Variants in C2CD3 observed in about 807,000 individuals in gnomAD.
The protein encoded by C2CD3 is C2 domain containing 3 centriole elongation regulator, also known as C2 domain-containing protein 3.
Under a neutral mutation model 234.0 loss-of-function variants are expected in C2CD3, and 148 were observed. The ratio of observed to expected loss-of-function variants is 0.63; its 90% CI spans 0.55 to 0.72. The LOEUF (loss-of-function observed/expected upper bound fraction) is 0.72. Ranked by LOEUF, C2CD3 falls within the 30% of genes least tolerant of loss-of-function variation. The probability of loss-of-function intolerance (pLI) is 0.00; values close to 1 mark genes in which losing one functional copy is unlikely to be tolerated. For missense variants in C2CD3, 2,577 were observed against 2,811.5 expected, an observed-to-expected ratio of 0.92 and a Z score of 1.89; for synonymous variants, 1,000 against 1,035.4, an observed-to-expected ratio of 0.97 and a Z score of 0.66.
chr11:74,121,754 C>A (rs1455059119), intron 8 of C2CD3, among the ~76,000 whole-genome samples: 1 of 152,126 alleles, frequency 6.6e-6, no homozygotes, highest in African/African-American at 2.4e-5. Context: ...AAGTCCCTAG[C>A]ACACAGAAAA....
chr11:74,027,800 G>A (rs528948635), intron 32 of C2CD3, among the ~76,000 whole-genome samples: 1 of 152,242 alleles, frequency 6.6e-6, no homozygotes, highest in Non-Finnish European at 1.5e-5. Context: ...TGCCAAGGCA[G>A]AAAAGAGGAG....
chr11:74,067,851 C>T (rs1954616290), intron 24 of C2CD3, among the ~76,000 whole-genome samples: 1 of 152,142 alleles, frequency 6.6e-6, no homozygotes, highest in African/African-American at 2.4e-5. Context: ...GCAAATTGGC[C>T]TCTACCAATC....
intron 11 of C2CD3, chr11:74,110,425 T>C (rs557082623): frequency 2.0e-5 from 3 of 152,372 alleles, no homozygotes; most frequent in South Asian, 4.2e-4. Flanking sequence ...GGACAGGATC[T>C]GGACCTTGCT....
chr11:74,024,340 A>C (rs1952207244), intron 32 of C2CD3, among the ~76,000 whole-genome samples: 1 of 152,250 alleles, frequency 6.6e-6, no homozygotes, highest in South Asian at 2.1e-4. Context: ...ATATTTTCAG[A>C]CAATTGAAGC....
chr11:74,159,446 T>C (rs991992588), intron 3 of C2CD3, among the ~76,000 whole-genome samples: 1 of 151,886 alleles, frequency 6.6e-6, no homozygotes, highest in Non-Finnish European at 1.5e-5. Context: ...TGGAACAAGA[T>C]ATGGAGGTGG....
intron 22 of C2CD3, among the ~76,000 whole-genome samples, chr11:74,083,602 A>C (rs887530923): frequency 6.6e-6 from 1 of 152,220 alleles, no homozygotes; most frequent in East Asian, 1.9e-4. Context: ...ACAAGAAAAA[A>C]ACAAATAACC....
rs745456767 is a variant in C2CD3, at chr11:74,114,379, C to T, written c.1730+5G>A. 9 of 1,609,542 alleles carry T rather than the reference C, an allele frequency of 5.6e-6. No individual in the cohort carries two copies. The Admixed American group carries it at 8.4e-5, about 15-fold the overall frequency. Reference sequence around the variant, plus strand: ...AAATTTAGCTTTCTCATGTTAGAGACATACCGCTTTTTTGCTGTAGTCACC... The same window carrying T: ...AAATTTAGCTTTCTCATGTTAGAGATATACCGCTTTTTTGCTGTAGTCACC... On this transcript the variant is annotated splice_donor_5th_base_variant and intron_variant, in intron 10 of 32. Transcript: ENST00000334126.
chr11:74,109,571 A>G (rs998265824), intron 11 of C2CD3: 1 of 154,204 alleles, frequency 6.5e-6, no homozygotes, highest in African/African-American at 2.4e-5. Context: ...ATAAAAAACT[A>G]TAATACAAAA....
At chr11:74,064,982 A>G (rs566043504) in intron 24 of C2CD3, among the ~76,000 whole-genome samples, 1 of 152,334 alleles carries the variant, frequency 6.6e-6, no homozygotes, top group Non-Finnish European at 1.5e-5. Context: ...GAAAACCTCG[A>G]CAATACCATT....
chr11:74,079,398 GT>G (rs917037965), intron 22 of C2CD3, among the ~76,000 whole-genome samples: 2 of 150,632 alleles, frequency 1.3e-5, no homozygotes, highest in South Asian at 2.1e-4. Context: ...GGGTTTGTTT[GT>G]TTTTTTTTGT....
chr11:74,169,756 T>C (rs908262025), intron 1 of C2CD3, among the ~76,000 whole-genome samples: 1 of 152,214 alleles, frequency 6.6e-6, no homozygotes, highest in Non-Finnish European at 1.5e-5. Flanking sequence ...CAGGGAGCAC[T>C]AGTATGCTTC....
At chr11:74,071,273 C>A (rs1186322037) in intron 24 of C2CD3, among the ~76,000 whole-genome samples, 1 of 152,198 alleles carries the variant, frequency 6.6e-6, no homozygotes, top group African/African-American at 2.4e-5. Flanking sequence ...TATTTAGCCT[C>A]TTTCTGTTTA....
At chr11:74,076,372 G>A (rs554253209) in intron 23 of C2CD3, among the ~76,000 whole-genome samples, 2 of 152,318 alleles carry the variant, frequency 1.3e-5, no homozygotes, top group East Asian at 1.9e-4. Flanking sequence ...CAGTTTCTTC[G>A]ACTGTAGAGT....
rs1957955988 is a variant in C2CD3, at chr11:74,138,930, T to C, written c.745A>G (p.Thr249Ala). 2 of 1,611,484 alleles carry C rather than the reference T, an allele frequency of 1.2e-6. No individual in the cohort carries two copies. Among genetic ancestry groups the C allele is most frequent in the South Asian group, 2.2e-5 (2 of 91,022 alleles). Residue 249 changes from threonine (T) to alanine (A), a missense_variant, in exon 5 of 33, where the codon ACA becomes GCA. Physicochemically the swap from Thr to Ala is moderately conservative, Grantham distance 58. Transcript: ENST00000334126. ...DHVCFAENPD[T>A]IKDSSFGLQH... ...AGTCCAAAGGAAGAATCCTTTATTG[T>C]ATCAGGGTTCTCTGCAAAGCATACA... is the stretch of plus-strand genomic sequence containing the variant.
chr11:74,089,400 C>T (rs1955789408), intron 20 of C2CD3, among the ~76,000 whole-genome samples: 1 of 152,210 alleles, frequency 6.6e-6, no homozygotes, highest in Non-Finnish European at 1.5e-5. Context: ...ACATCACCTT[C>T]ACTAACACTA....
At chr11:74,030,098 C>A (rs1427408723) in intron 31 of C2CD3, among the ~76,000 whole-genome samples, 1 of 152,084 alleles carries the variant, frequency 6.6e-6, no homozygotes, top group East Asian at 1.9e-4. Flanking sequence ...TAAAAATGTT[C>A]AAGTTTCCCA....
At chr11:74,105,425 C>A (rs1956481456) in intron 13 of C2CD3, among the ~76,000 whole-genome samples, 1 of 152,060 alleles carries the variant, frequency 6.6e-6, no homozygotes, top group Admixed American at 6.5e-5. Flanking sequence ...CGTGTGCCAC[C>A]ACTCCTGGCT....
At position 74,138,962 on chromosome 11, in the gene C2CD3, T is replaced by C; in HGVS notation, c.713A>G (p.Lys238Arg). 1 of 1,604,412 alleles carries C rather than the reference T, an allele frequency of 6.2e-7. No homozygotes were observed. Among genetic ancestry groups the C allele is most frequent in the Non-Finnish European group, 8.5e-7 (1 of 1,174,836 alleles). Residue 238 changes from lysine (K) to arginine (R), a missense_variant, in exon 5 of 33, where the codon AAA (lysine) becomes AGA (arginine). Coordinates refer to ENST00000334126, the MANE Select transcript of C2CD3 (RefSeq NM_001286577.2). ...GTTCTCTGCAAAGCATACATGGTCT[T>C]TTCCCCTGTTTTTTTAAAAAGGGAG... ...NSSRSTTPRG[K>R]DHVCFAENPD...
chr11:74,111,919 TACACACACACACACACAC>T (rs61499954), intron 11 of C2CD3, among the ~76,000 whole-genome samples: 1,713 of 125,168 alleles, frequency 0.014, 17 homozygotes, highest in Middle Eastern at 0.041. Flanking sequence ...TATTTGCTGA[TACACACACACACACACAC>T]ACACACACAC....
Sources: gnomAD v4.1 joint callset for allele counts (sites outside exome capture counted in the v4.1 genomes callset) on GRCh38, gnomAD v4.1.1 for gene constraint, MANE v1.5 for transcripts, NCBI Gene and HGNC (gene_info 2026-07-23, HGNC 2026-07-21) for gene names.